LRRC3B: variants seen among roughly 807,000 people sequenced by gnomAD.
The protein encoded by LRRC3B is leucine rich repeat containing 3B.
A neutral mutation model predicts 12.8 loss-of-function variants in LRRC3B; 2 were observed. The ratio of observed to expected loss-of-function variants is 0.16; its 90% CI spans 0.06 to 0.49. The LOEUF (loss-of-function observed/expected upper bound fraction) is 0.49, where lower values mean the gene tolerates loss of function less well. LRRC3B is among the 20% of genes least tolerant of loss of function. The probability of loss-of-function intolerance (pLI) is 0.96; values close to 1 mark genes in which losing one functional copy is unlikely to be tolerated. For missense variants in LRRC3B, 189 were observed against 319.4 expected (o/e 0.59, Z 3.11); for synonymous variants, 132 against 122.0 (o/e 1.08, Z -0.54).
intron 1 of LRRC3B, among the ~76,000 whole-genome samples, chr3:26,691,302 C>G (rs558640238): frequency 1.3e-4 from 20 of 151,728 alleles, no homozygotes; most frequent in Non-Finnish European, 2.6e-4. Context: ...TTATACACTA[C>G]TTGACTTCTA....
At chr3:26,708,462 C>T (rs1700660770) in intron 1 of LRRC3B, among the ~76,000 whole-genome samples, 1 of 152,068 alleles carries the variant, frequency 6.6e-6, no homozygotes, top group Non-Finnish European at 1.5e-5. Context: ...AGAACAAAGA[C>T]TTTGGCTTGA....
At chr3:26,642,337 G>A (rs561696400) in intron 1 of LRRC3B, among the ~76,000 whole-genome samples, 67 of 152,338 alleles carry the variant, frequency 4.4e-4, no homozygotes, top group African/African-American at 1.3e-3. Flanking sequence ...TGGTGTGGTG[G>A]AGGAGATGGC....
chr3:26,633,250 G>A (rs770543400), intron 1 of LRRC3B, among the ~76,000 whole-genome samples: 1 of 151,994 alleles, frequency 6.6e-6, no homozygotes, highest in African/African-American at 2.4e-5. Context: ...GCCCGACTAA[G>A]TTCTAATTAG....
At chr3:26,692,663 A>C (rs2125450539) in intron 1 of LRRC3B, among the ~76,000 whole-genome samples, 1 of 152,368 alleles carries the variant, frequency 6.6e-6, no homozygotes, top group South Asian at 2.1e-4. Context: ...TATATGTGTG[A>C]AACAAATATT....
chr3:26,686,768 G>T (rs1191774824), intron 1 of LRRC3B, among the ~76,000 whole-genome samples: 2 of 152,138 alleles, frequency 1.3e-5, no homozygotes, highest in Non-Finnish European at 2.9e-5. Context: ...TGTGAATGGG[G>T]TGGGAAGGAA....
intron 1 of LRRC3B, among the ~76,000 whole-genome samples, chr3:26,667,088 T>A (rs920319398): frequency 1.1e-4 from 16 of 142,374 alleles, no homozygotes; most frequent in Non-Finnish European, 1.5e-4. Context: ...GATTTTTTTT[T>A]AAACCATTAT....
intron 1 of LRRC3B, among the ~76,000 whole-genome samples, chr3:26,682,640 G>A (rs1368358193): frequency 6.6e-6 from 1 of 152,132 alleles, no homozygotes; most frequent in East Asian, 1.9e-4. Context: ...TCCCCAGCCT[G>A]GAGAAAAACT....
chr3:26,664,337 C>T (rs560079248), intron 1 of LRRC3B, among the ~76,000 whole-genome samples: 1 of 152,122 alleles, frequency 6.6e-6, no homozygotes, highest in Non-Finnish European at 1.5e-5. Context: ...TTGCTATATA[C>T]ACAATATCCT....
chr3:26,673,113 G>T (rs1467894565), intron 1 of LRRC3B, among the ~76,000 whole-genome samples: 1 of 152,054 alleles, frequency 6.6e-6, no homozygotes, highest in Non-Finnish European at 1.5e-5. Context: ...TAAAACAAAG[G>T]TCTGCTGCAG....
At chr3:26,694,832 G>A (rs748687356) in intron 1 of LRRC3B, 39 of 152,128 alleles carry the variant, frequency 2.6e-4, no homozygotes, top group African/African-American at 9.4e-4. Context: ...CACGGAATAG[G>A]TTGTCTATCA....
chr3:26,685,615 G>GTATATATATATATA lies in LRRC3B; in HGVS notation c.-160-23892_-160-23879dup, dbSNP rs768001958. ...CACTCATATATATATATGTGTGTGT[G>GTATATATATATATA]TATATATATATATATATATCTATAT... On this transcript the variant is annotated intron_variant, in intron 1 of 1. Coordinates refer to ENST00000396641, the Ensembl canonical transcript of LRRC3B. 8.6e-4 allele frequency among the ~76,000 whole-genome samples: 103 copies of GTATATATATATATA among 120,458 alleles called. 1 individual carries two copies. The East Asian group carries it at 0.011, about 13-fold the overall frequency. The allele number at this position is 120,458 out of a possible 152,430, so 79.0% of individuals were successfully genotyped here. A position where few individuals can be genotyped will look rare whatever the true frequency, so the allele number is the denominator to read the frequency against.
At chr3:26,710,109 C>T (rs868235124) in exon 2 of LRRC3B, 1 of 1,614,026 alleles carries the variant, frequency 6.2e-7, no homozygotes, top group Non-Finnish European at 8.5e-7. Flanking sequence ...GCCAACAACC[C>T]CTGGCACTGC....
intron 1 of LRRC3B, among the ~76,000 whole-genome samples, chr3:26,668,191 A>ACAAT (rs1157259295): frequency 6.6e-6 from 1 of 152,112 alleles, no homozygotes; most frequent in Admixed American, 6.6e-5. Flanking sequence ...CCCTGTTGAA[A>ACAAT]CAATCAGAGA....
chr3:26,641,496 C>T (rs73059318), intron 1 of LRRC3B, among the ~76,000 whole-genome samples: 41,649 of 151,962 alleles, frequency 0.27, 5,998 homozygotes, highest in African/African-American at 0.36. Flanking sequence ...GACTGGATTC[C>T]CACAGGAAAG....
chr3:26,636,964 T>TC (rs1559350416), intron 1 of LRRC3B, among the ~76,000 whole-genome samples: 25 of 109,290 alleles, frequency 2.3e-4, no homozygotes, highest in Non-Finnish European at 3.8e-4. Flanking sequence ...CTTTCTTTCT[T>TC]TCTTTCTTTC....
chr3:26,665,882 T>G (rs192885810), intron 1 of LRRC3B, among the ~76,000 whole-genome samples: 308 of 152,300 alleles, frequency 2.0e-3, no homozygotes, highest in African/African-American at 6.4e-3. Flanking sequence ...CTAACTGGGT[T>G]CTTTGAAATA....
rs191053399 is a variant in LRRC3B at position 26,702,651 on chromosome 3, T to C, written c.-160-6862T>C. Among the ~76,000 whole-genome samples the C allele has an allele frequency of 1.5e-4, 23 of 152,260 alleles. 1 individual carries two copies. In the East Asian group the frequency reaches 3.3e-3, roughly 22 times the overall value. ...ACCATCGGGAGTCATTAGTGCTTTT[T>C]TGACCTGCAGGATGATGTGGTTAAG... On this transcript the variant is annotated intron_variant, in intron 1 of 1. Transcript: ENST00000396641.
At chr3:26,636,980 CTCTCTT>C (rs1350303292) in intron 1 of LRRC3B, among the ~76,000 whole-genome samples, 6 of 118,434 alleles carry the variant, frequency 5.1e-5, no homozygotes, top group Admixed American at 1.8e-4. Context: ...CTTTCTCTCT[CTCTCTT>C]TCTCTCTTTC....
intron 1 of LRRC3B, among the ~76,000 whole-genome samples, chr3:26,652,766 A>C (rs1699291211): frequency 6.6e-6 from 1 of 152,160 alleles, no homozygotes; most frequent in African/African-American, 2.4e-5. Context: ...AAAAGTACAT[A>C]ATTTTTTATT....
Sources: allele counts gnomAD v4.1 joint callset (sites outside exome capture counted in the v4.1 genomes callset), GRCh38; gene constraint gnomAD v4.1.1; transcripts MANE v1.5; gene names NCBI Gene and HGNC (gene_info 2026-07-23, HGNC 2026-07-21).